The following ZNF682 variants were observed in gnomAD, a reference collection of about 807,000 sequenced individuals.
ZNF682 encodes zinc finger protein 682.
A neutral mutation model predicts 36.5 loss-of-function variants in ZNF682; 29 were observed. The ratio of observed to expected loss-of-function variants is 0.80; its 90% CI spans 0.59 to 1.08. The LOEUF (loss-of-function observed/expected upper bound fraction) is 1.08, where lower values mean the gene tolerates loss of function less well. ZNF682 is among the 50% of genes least tolerant of loss of function. The probability of loss-of-function intolerance (pLI) is 0.00; values close to 1 mark genes in which losing one functional copy is unlikely to be tolerated. For synonymous variants in ZNF682, 180 were observed against 197.0 expected (o/e 0.91, Z 0.72); for missense variants, 561 against 579.7 (o/e 0.97, Z 0.33).
Position 20,017,840 on chromosome 19 carries a change from T to C in ZNF682, c.226+5164A>G, listed in dbSNP as rs906122400. Among the ~76,000 whole-genome samples, 12 of 152,138 alleles carry C rather than the reference T, an allele frequency of 7.9e-5. 1 individual carries two copies. The highest frequency in any genetic ancestry group is 2.1e-4 in the South Asian group (1 of 4,834). ...AAGGAGACTGAAATCATACAGTGTA[T>C]ATTTTCTGACCAAAATGGAATGAAA... On this transcript the variant is annotated intron_variant, in intron 3 of 3. Transcript: ENST00000397165.
chr19:20,035,460 G>A (rs934247602), intron 1 of ZNF682, among the ~76,000 whole-genome samples: 1 of 151,350 alleles, frequency 6.6e-6, no homozygotes, highest in African/African-American at 2.4e-5. Flanking sequence ...TCCTGACCTC[G>A]TGATCCACCC....
At chr19:19,995,624 G>A (rs1184507804), downstream of ZNF682, among the ~76,000 whole-genome samples, 1 of 151,936 alleles carries the variant, frequency 6.6e-6, no homozygotes, top group Non-Finnish European at 1.5e-5. Flanking sequence ...ACCATTGTTT[G>A]TGTCCAGATT....
chr19:20,017,523 G>A (rs2088344978), intron 3 of ZNF682, among the ~76,000 whole-genome samples: 1 of 152,022 alleles, frequency 6.6e-6, no homozygotes, highest in Non-Finnish European at 1.5e-5. Flanking sequence ...ACATATAACT[G>A]TTATATAACT....
At chr19:20,008,172 C>A (rs987045028) in intron 3 of ZNF682, 17 of 152,268 alleles carry the variant, frequency 1.1e-4, no homozygotes, top group Admixed American at 5.2e-4. Flanking sequence ...GAAGCCCACA[C>A]TGTCAGCACA....
downstream of ZNF682, among the ~76,000 whole-genome samples, chr19:20,000,959 T>C (rs1212454462): frequency 2.0e-5 from 3 of 152,128 alleles, no homozygotes; most frequent in Admixed American, 6.5e-5. Flanking sequence ...GAGGTCTCTA[T>C]AGCTAGGAAC....
chr19:19,996,982 A>C (rs1370256480), downstream of ZNF682: 3 of 362,848 alleles, frequency 8.3e-6, no homozygotes, highest in African/African-American at 6.3e-5. Flanking sequence ...AAGCACACAC[A>C]GACACACACA....
chr19:20,031,326 G>A (rs1004862595), intron 1 of ZNF682, among the ~76,000 whole-genome samples: 11 of 152,296 alleles, frequency 7.2e-5, no homozygotes, highest in Admixed American at 5.2e-4. Flanking sequence ...GGGTGATTCT[G>A]CCATCAGATT....
intron 1 of ZNF682, among the ~76,000 whole-genome samples, chr19:20,031,735 G>T (rs947020506): frequency 6.6e-6 from 1 of 152,146 alleles, no homozygotes; most frequent in African/African-American, 2.4e-5. Context: ...GAGGTCAGGA[G>T]ATCAAGACCA....
intron 3 of ZNF682, among the ~76,000 whole-genome samples, chr19:20,009,335 A>G (rs1445536847): frequency 2.0e-5 from 3 of 152,222 alleles, no homozygotes; most frequent in Non-Finnish European, 4.4e-5. Flanking sequence ...AGAAAAAAGA[A>G]TTCACTACAA....
intron 3 of ZNF682, among the ~76,000 whole-genome samples, chr19:20,010,613 C>T (rs968728059): frequency 4.0e-5 from 6 of 151,886 alleles, no homozygotes; most frequent in East Asian, 3.9e-4. Flanking sequence ...AAGCTGATAT[C>T]GCGCCTGCAC....
chr19:20,038,895 G>A (rs2088557873), intron 1 of ZNF682, among the ~76,000 whole-genome samples: 1 of 152,206 alleles, frequency 6.6e-6, no homozygotes, highest in Non-Finnish European at 1.5e-5. Context: ...TGCTCTCTGA[G>A]CATAAATCAC....
rs773044476 is a variant in ZNF682 at position 20,006,365 on chromosome 19, C to T, written c.1137G>A (p.Lys379=). The T allele has an allele frequency of 2.5e-6, 4 of 1,612,074 alleles. No homozygotes were observed. The highest frequency in any genetic ancestry group is 3.4e-6 in the Non-Finnish European group (4 of 1,179,638). ...TGTGTTTAGTAAGGTATGAGAACCTCTTAAAGACTTTGTCACATTTTTCAC... is the reference window on the plus strand; with the variant it reads ...TGTGTTTAGTAAGGTATGAGAACCTTTTAAAGACTTTGTCACATTTTTCAC... ...YKCEKCDKVF[K]RFSYLTKHKR... The change falls in exon 4 of 4, where the codon AAG becomes AAA. Residue 379 remains lysine (K), a synonymous_variant. Coordinates refer to ENST00000397165, the MANE Select transcript of ZNF682 (RefSeq NM_033196.3).
downstream of ZNF682, among the ~76,000 whole-genome samples, chr19:20,001,643 A>T (rs952235900): frequency 6.6e-6 from 1 of 152,234 alleles, no homozygotes; most frequent in African/African-American, 2.4e-5. Flanking sequence ...CCTTAAAAAC[A>T]GCAATTTAGT....
At chr19:20,029,036 T>G (rs1426323992) in intron 1 of ZNF682, among the ~76,000 whole-genome samples, 2 of 149,646 alleles carry the variant, frequency 1.3e-5, no homozygotes, top group African/African-American at 4.9e-5. Flanking sequence ...TGGAGGGCAG[T>G]GGCACGATCT....
In ZNF682 at chr19:20,013,684, G is replaced by A. The variant is rs113336959; in HGVS notation, c.227-6409C>T. Among the ~76,000 whole-genome samples the A allele has an allele frequency of 9.3e-3, 1,413 of 152,270 alleles. 26 individuals are homozygous for A. Among genetic ancestry groups the A allele is most frequent in the African/African-American group, 0.032 (1,332 of 41,548 alleles). On this transcript the variant is annotated intron_variant, in intron 3 of 3. Transcript: ENST00000397165. Reference sequence around the variant, plus strand: ...CAACCTCCATCTCTTGGGTTCAAGCGATTCTCCTGCCTCAGCTTCCCTAGT... The same window carrying A: ...CAACCTCCATCTCTTGGGTTCAAGCAATTCTCCTGCCTCAGCTTCCCTAGT...
chr19:20,025,006 A>C (rs1380353204), intron 1 of ZNF682, among the ~76,000 whole-genome samples: 1 of 152,234 alleles, frequency 6.6e-6, no homozygotes, highest in East Asian at 1.9e-4. Context: ...GTCAAATTTT[A>C]ATGTACGTGA....
chr19:19,997,939 G>C (rs144095002), intron 3 of ZNF682, among the ~76,000 whole-genome samples: 3 of 152,302 alleles, frequency 2.0e-5, no homozygotes, highest in African/African-American at 7.2e-5. Flanking sequence ...AAGTCACACC[G>C]AGGTCATGCA....
In ZNF682 at chr19:20,006,421, C is replaced by T. The variant is rs781464009; in HGVS notation, c.1081G>A (p.Val361Ile). ...TAGGGTTTCTCTCCGCTATGAATTA[C>T]CTTATGTTCAGTAAGAATTGATGAT... ...NSSSILTEHKVIHSGEKPYKC... is the reference protein window; with the variant it reads ...NSSSILTEHKIIHSGEKPYKC... Residue 361 changes from valine (V) to isoleucine (I), a missense_variant, in exon 4 of 4, where the codon GTA becomes ATA. Coordinates refer to ENST00000397165, the MANE Select transcript of ZNF682 (RefSeq NM_033196.3). 7.5e-6 allele frequency: 12 copies of T among 1,608,632 alleles called. No individual in the cohort carries two copies. The highest frequency in any genetic ancestry group is 9.3e-6 in the Non-Finnish European group (11 of 1,178,214).
rs1056936651 is a variant in ZNF682, at chr19:20,005,677, G to T, written c.*328C>A. ...ATCATTACACCTTGTGTACTCTAAG[G>T]CTTTTATTTGGTGACATCTTTCCAC... On this transcript the variant is annotated 3_prime_UTR_variant, in exon 4 of 4. Transcript: ENST00000397165. The T allele has an allele frequency of 1.1e-5, 3 of 272,012 alleles. No individual in the cohort carries two copies. In the South Asian group the frequency reaches 2.1e-4, roughly 19 times the overall value. The allele number at this position is 272,012 out of a possible 1,614,324, so 16.8% of individuals were successfully genotyped here.
Sources: allele counts gnomAD v4.1 joint callset (sites outside exome capture counted in the v4.1 genomes callset), GRCh38; gene constraint gnomAD v4.1.1; transcripts MANE v1.5; gene names NCBI Gene and HGNC (gene_info 2026-07-23, HGNC 2026-07-21).